CCSER2: variants seen among roughly 807,000 people sequenced by gnomAD.
CCSER2 encodes coiled-coil serine rich protein 2, also known as serine-rich coiled-coil domain-containing protein 2.
In CCSER2, 46 loss-of-function variants were observed where a neutral mutation model predicts 92.3. The observed-to-expected ratio is 0.50, with a 90% CI of 0.39 to 0.64. The LOEUF is 0.64. Among genes scored for constraint, CCSER2 ranks in the 30% least tolerant of loss-of-function variants. The pLI, the probability that CCSER2 is intolerant of heterozygous loss-of-function variation, is 0.00. For missense variants in CCSER2, 1,244 were observed against 1,238.9 expected (o/e 1.00, Z -0.06); for synonymous variants, 433 against 431.4 (o/e 1.00, Z -0.04).
chr10:84,431,829 A>G (rs760388133), intron 5 of CCSER2, among the ~76,000 whole-genome samples: 33 of 152,244 alleles, frequency 2.2e-4, no homozygotes, highest in Non-Finnish European at 4.0e-4. Flanking sequence ...GTTGCTTCCA[A>G]GTTTTAACAA....
Position 84,477,608 on chromosome 10 carries a change from G to A in CCSER2, c.2269G>A (p.Glu757Lys). 2 of 1,612,396 alleles carry A rather than the reference G, an allele frequency of 1.2e-6. No homozygotes were observed. Among genetic ancestry groups the A allele is most frequent in the Non-Finnish European group, 1.7e-6 (2 of 1,178,896 alleles). The change falls in exon 9 of 10, where the codon GAG becomes AAG. Residue 757 changes from glutamate (E) to lysine (K), a missense_variant. By Grantham distance (56) the Glu-to-Lys change is moderately conservative. Transcript: ENST00000372088. Reference sequence around the variant, plus strand: ...GCATATCTGCCACCAAAAATGTAAAGAGGAAAAATGCACTTATGCTGATAA... The same window carrying A: ...GCATATCTGCCACCAAAAATGTAAAAAGGAAAAATGCACTTATGCTGATAA... ...TQHICHQKCK[E>K]EKCTYADKYT...
chr10:84,463,895 A>AT, intron 6 of CCSER2, 38 bp from the exon 7 acceptor site: 1 of 1,337,446 alleles, frequency 7.5e-7, no homozygotes, highest in South Asian at 1.2e-5. Flanking sequence ...CACAATTACT[A>AT]TATTAATCTA....
At chr10:84,406,799 A>G (rs919253755) in intron 3 of CCSER2, among the ~76,000 whole-genome samples, 2 of 152,132 alleles carry the variant, frequency 1.3e-5, no homozygotes, top group Non-Finnish European at 2.9e-5. Context: ...ACATTAACCA[A>G]TTTCCGCACT....
intron 9 of CCSER2, among the ~76,000 whole-genome samples, chr10:84,494,566 T>C (rs568338727): frequency 6.6e-6 from 1 of 152,236 alleles, no homozygotes; most frequent in East Asian, 1.9e-4. Context: ...ATGCTTCTAT[T>C]TCCCCCTCCC....
chr10:84,374,049 C>A, intron 3 of CCSER2: 1 of 898,058 alleles, frequency 1.1e-6, no homozygotes, highest in Non-Finnish European at 1.6e-6. Flanking sequence ...ATTCCTCATA[C>A]ATATGTGCAT....
chr10:84,373,703 T>G lies in CCSER2; in HGVS notation c.1502T>G (p.Leu501Arg), dbSNP rs764082717. The change falls in exon 3 of 10, where the codon CTC (leucine) becomes CGC (arginine). Residue 501 changes from leucine to arginine, a missense_variant. Leu to Arg is a moderately radical substitution (Grantham distance 102). Transcript: ENST00000372088. ...TDYRAGSSFE[L>R]SPSDSSDGTY... ...TACAGAGCTGGTTCTTCGTTTGAAC[T>G]CTCTCCATCTGATAGCTCTGATGGA... 3 of 1,613,738 alleles carry G rather than the reference T, an allele frequency of 1.9e-6. No homozygotes were observed.
chr10:84,406,403 T>C (rs1463534544), intron 3 of CCSER2, among the ~76,000 whole-genome samples: 3 of 152,184 alleles, frequency 2.0e-5, no homozygotes, highest in African/African-American at 7.2e-5. Flanking sequence ...AAAATTAATT[T>C]TACAGTGTAA....
At chr10:84,492,723 C>A (rs1589807977) in intron 9 of CCSER2, among the ~76,000 whole-genome samples, 1 of 152,238 alleles carries the variant, frequency 6.6e-6, no homozygotes, top group South Asian at 2.1e-4. Flanking sequence ...TGCTATGAAC[C>A]TATGAGTTTT....
chr10:84,411,384 G>A (rs781119773), intron 3 of CCSER2, among the ~76,000 whole-genome samples: 2 of 152,084 alleles, frequency 1.3e-5, no homozygotes, highest in East Asian at 3.8e-4. Flanking sequence ...CTATAAATTC[G>A]TTTCGGCAGT....
In CCSER2 at chr10:84,441,736, G is replaced by GTTTTTTTT. The variant is rs869280119; in HGVS notation, c.2064+3062_2064+3069dup. Reference sequence around the variant, plus strand: ...GAATAAAGTAGAAGACTGGGAAAATGTTTTTTTTTTTTTTTTTTTTTTTTT... The same window carrying GTTTTTTTT: ...GAATAAAGTAGAAGACTGGGAAAATGTTTTTTTTTTTTTTTTTTTTTTTTTTTTTTTTT... On this transcript the variant is annotated intron_variant, in intron 6 of 9. Transcript: ENST00000372088. 3.9e-4 allele frequency among the ~76,000 whole-genome samples: 17 copies of GTTTTTTTT among 43,640 alleles called. 2 individuals carry two copies. Among genetic ancestry groups the GTTTTTTTT allele is most frequent in the South Asian group, 7.7e-4 (1 of 1,300 alleles). The allele number at this position is 43,640 out of a possible 152,430, so 28.6% of individuals were successfully genotyped here. A position where few individuals can be genotyped will look rare whatever the true frequency, so the allele number is the denominator to read the frequency against.
intron 6 of CCSER2, among the ~76,000 whole-genome samples, chr10:84,460,773 A>G (rs551733745): frequency 2.0e-5 from 3 of 152,232 alleles, no homozygotes; most frequent in Admixed American, 6.5e-5. Context: ...AGTCATTCAT[A>G]TTATTATTGC....
At chr10:84,355,460 C>T (rs912039793) in intron 1 of CCSER2, among the ~76,000 whole-genome samples, 37 of 152,176 alleles carry the variant, frequency 2.4e-4, no homozygotes, top group Non-Finnish European at 4.0e-4. Flanking sequence ...GCATTGCCTC[C>T]TCTACGAAGC....
chr10:84,418,843 A>G lies in CCSER2; in HGVS notation c.1705+982A>G, dbSNP rs192133896. ...TGTATTTTTCTCATTCATGGATCTA[A>G]GGATTAGCTGGGAAGCTCAGGCTAT... On this transcript the variant is annotated intron_variant, in intron 4 of 9. Coordinates refer to ENST00000372088, the MANE Select transcript of CCSER2 (RefSeq NM_001284240.2). 5.6e-4 allele frequency among the ~76,000 whole-genome samples: 85 copies of G among 152,266 alleles called. 1 individual carries two copies. The highest frequency in any genetic ancestry group is 2.0e-3 in the African/African-American group (83 of 41,554).
At chr10:84,404,497 A>C (rs1418591483) in intron 3 of CCSER2, among the ~76,000 whole-genome samples, 2 of 152,202 alleles carry the variant, frequency 1.3e-5, no homozygotes, top group Admixed American at 6.5e-5. Context: ...TATGGAGCTC[A>C]AGCTGCTTGA....
chr10:84,485,230 G>A (rs1382514384), intron 9 of CCSER2, among the ~76,000 whole-genome samples: 6 of 152,246 alleles, frequency 3.9e-5, no homozygotes, highest in South Asian at 2.1e-4. Flanking sequence ...GTGTGTGCAC[G>A]CTTCTGTGCC....
At chr10:84,424,590 A>G (rs1366101374) in intron 4 of CCSER2, among the ~76,000 whole-genome samples, 3 of 152,128 alleles carry the variant, frequency 2.0e-5, no homozygotes, top group African/African-American at 4.8e-5. Context: ...TTTATCTGGT[A>G]TACTGTAATG....
At chr10:84,505,543 CTT>C (rs1469392824) in intron 9 of CCSER2, among the ~76,000 whole-genome samples, 1 of 152,138 alleles carries the variant, frequency 6.6e-6, no homozygotes, top group East Asian at 1.9e-4. Context: ...CTGGGAGTGA[CTT>C]TTCATAAAAA....
At chr10:84,429,793 T>C (rs1843661961) in intron 5 of CCSER2, among the ~76,000 whole-genome samples, 1 of 151,988 alleles carries the variant, frequency 6.6e-6, no homozygotes, top group African/African-American at 2.4e-5. Context: ...TTACGTTCTT[T>C]CTGCCCCTCC....
At chr10:84,336,558 C>T (rs1210950727) in intron 1 of CCSER2, among the ~76,000 whole-genome samples, 1 of 152,144 alleles carries the variant, frequency 6.6e-6, no homozygotes, top group African/African-American at 2.4e-5. Flanking sequence ...GAAGATAGAA[C>T]TGGAATACAA....
Sources: gnomAD v4.1 joint callset for allele counts (sites outside exome capture counted in the v4.1 genomes callset) on GRCh38, gnomAD v4.1.1 for gene constraint, MANE v1.5 for transcripts, NCBI Gene and HGNC (gene_info 2026-07-23, HGNC 2026-07-21) for gene names.